Variants in DST observed in about 807,000 individuals in gnomAD.
The protein encoded by DST is bullous pemphigoid antigen.
A neutral mutation model predicts 875.2 loss-of-function variants in DST; 253 were observed. That is an observed-to-expected ratio of 0.29 (90% CI 0.26 to 0.32). DST has a LOEUF of 0.32. DST is among the 10% of genes least tolerant of loss of function. The pLI is 1.00. For synonymous variants in DST, 3,124 were observed against 3,197.1 expected (o/e 0.98, Z 0.77); for missense variants, 8,287 against 9,111.6 (o/e 0.91, Z 3.68).
chr6:56,682,858 G>A (rs139831572), intron 9 of DST, among the ~76,000 whole-genome samples: 12 of 152,146 alleles, frequency 7.9e-5, no homozygotes, highest in Non-Finnish European at 1.6e-4. Flanking sequence ...ATAAATATGA[G>A]AGACCAAGCA....
chr6:56,935,178 C>A (rs1812380217), intron 2 of DST, among the ~76,000 whole-genome samples: 1 of 152,090 alleles, frequency 6.6e-6, no homozygotes, highest in African/African-American at 2.4e-5. Context: ...CAAAATTTCC[C>A]AATTTTATCT....
intron 49 of DST, among the ~76,000 whole-genome samples, chr6:56,588,203 A>G (rs749300346): frequency 2.0e-4 from 30 of 152,230 alleles, no homozygotes; most frequent in Non-Finnish European, 4.1e-4. Flanking sequence ...GCTATAGTCT[A>G]AAAGGTCCAA....
rs780722886 is a variant in DST at position 56,557,456 on chromosome 6, A to T, written c.14503T>A (p.Ser4835Thr). The change falls in exon 59 of 104, where the codon TCC (serine) becomes ACC (threonine). Residue 4835 changes from serine (S) to threonine (T), a missense_variant. Transcript: ENST00000680361. The part of the protein sequence containing the change: ...IDRQQKLEES[S>T]NNLTQFQTVE... The stretch of plus-strand genomic sequence containing the variant: ...GTCTGGAACTGGGTTAGATTATTGG[A>T]GGATTCTTCCAGTTTTTGTTGTCTA... 1 of 1,613,678 alleles carries T rather than the reference A, an allele frequency of 6.2e-7. No individual in the cohort carries two copies. Among genetic ancestry groups the T allele is most frequent in the East Asian group, 2.2e-5 (1 of 44,862 alleles).
chr6:56,494,963 T>G (rs1234280227), intron 82 of DST, among the ~76,000 whole-genome samples: 1 of 151,980 alleles, frequency 6.6e-6, no homozygotes, highest in Non-Finnish European at 1.5e-5. Flanking sequence ...TTTATACGTT[T>G]TAAAACTTGC....
At chr6:56,668,855 T>C (rs1344216265) in intron 10 of DST, among the ~76,000 whole-genome samples, 1 of 151,134 alleles carries the variant, frequency 6.6e-6, no homozygotes, top group South Asian at 2.1e-4. Flanking sequence ...TTTTAGACAT[T>C]GAAATTTCCA....
chr6:56,791,619 C>G (rs1003394480), intron 4 of DST, among the ~76,000 whole-genome samples: 5 of 151,834 alleles, frequency 3.3e-5, no homozygotes, highest in African/African-American at 9.7e-5. Flanking sequence ...GATCCCGTCT[C>G]TACAAATAAT....
At chr6:56,566,472 C>A (rs1389929084) in intron 55 of DST, among the ~76,000 whole-genome samples, 1 of 152,186 alleles carries the variant, frequency 6.6e-6, no homozygotes, top group Non-Finnish European at 1.5e-5. Flanking sequence ...ACCCCTTGTG[C>A]TTCCGAGGTG....
At chr6:56,752,321 C>CA (rs1348019777) in intron 4 of DST, among the ~76,000 whole-genome samples, 1 of 145,636 alleles carries the variant, frequency 6.9e-6, no homozygotes, top group Non-Finnish European at 1.5e-5. Flanking sequence ...TGATTTTATG[C>CA]TTTTTTTTTT....
At chr6:56,870,958 T>C (rs1380139101) in intron 3 of DST, among the ~76,000 whole-genome samples, 1 of 151,994 alleles carries the variant, frequency 6.6e-6, no homozygotes, top group Non-Finnish European at 1.5e-5. Flanking sequence ...AATGAAAATA[T>C]AATAATATAA....
chr6:56,631,332 A>T lies in DST; in HGVS notation c.4021T>A (p.Cys1341Ser). Residue 1341 changes from cysteine (C) to serine (S), a missense_variant, in exon 30 of 104, where the codon TGT (cysteine) becomes AGT (serine). By Grantham distance (112) the Cys-to-Ser change is moderately radical. Coordinates refer to ENST00000680361, the MANE Select transcript of DST (RefSeq NM_001374736.1). ...KDDLGTITNK[C>S]EEFFSQAAAS... ...GCTGCTTGACTGAAAAACTCCTCAC[A>T]CTTATTTGTGATTGTTCCCAAATCA... 6.2e-7 allele frequency: 1 copy of T among 1,613,872 alleles called. No individual in the cohort carries two copies. The highest frequency in any genetic ancestry group is 8.5e-7 in the Non-Finnish European group (1 of 1,179,934).
At chr6:56,538,159 A>T (rs1173223160) in intron 61 of DST, among the ~76,000 whole-genome samples, 2 of 151,308 alleles carry the variant, frequency 1.3e-5, no homozygotes, top group Non-Finnish European at 2.9e-5. Context: ...ATTAAAAGAA[A>T]ATTTTTTTTT....
intron 62 of DST, among the ~76,000 whole-genome samples, chr6:56,535,517 T>C (rs2096978961): frequency 6.6e-6 from 1 of 152,232 alleles, no homozygotes; most frequent in African/African-American, 2.4e-5. Context: ...ACAGTCAACA[T>C]AGAGCACTCA....
rs745441869 is a variant in DST at position 56,851,632 on chromosome 6, T to G, written c.418-28A>C. Reference sequence around the variant, plus strand: ...ACAGAGAATGACACAGAAAAAGCATTAACAGCAAAATACTCACATATGCTC... The same window carrying G: ...ACAGAGAATGACACAGAAAAAGCATGAACAGCAAAATACTCACATATGCTC... On this transcript the variant is annotated intron_variant, in intron 3 of 103. Transcript: ENST00000680361. 9 of 1,607,044 alleles carry G rather than the reference T, an allele frequency of 5.6e-6. No individual in the cohort carries two copies. The South Asian group carries it at 8.9e-5, about 16-fold the overall frequency.
chr6:56,595,780 C>CA (rs2098366620), intron 47 of DST, among the ~76,000 whole-genome samples: 1 of 142,794 alleles, frequency 7.0e-6, no homozygotes, highest in African/African-American at 3.1e-5. Context: ...TCATATGCTA[C>CA]CCCCACCCCA....
intron 36 of DST, among the ~76,000 whole-genome samples, chr6:56,622,469 G>A (rs1194186951): frequency 1.3e-5 from 2 of 150,284 alleles, no homozygotes; most frequent in East Asian, 2.0e-4. Context: ...CCAGCTACTC[G>A]GAAGGCTGAG....
At chr6:56,862,318 T>C (rs1771641020) in intron 3 of DST, among the ~76,000 whole-genome samples, 1 of 152,152 alleles carries the variant, frequency 6.6e-6, no homozygotes, top group South Asian at 2.1e-4. Context: ...ATGTATTTCC[T>C]TTCTTGCTTG....
intron 52 of DST, 124 bp from the exon 53 acceptor site, chr6:56,572,390 C>T: frequency 3.4e-6 from 2 of 582,614 alleles, no homozygotes; most frequent in Non-Finnish European, 5.5e-6. Context: ...ATGAGTCTGC[C>T]TATGGCCAGT....
At chr6:56,502,493 C>A (rs1256892198) in intron 78 of DST, among the ~76,000 whole-genome samples, 1 of 152,046 alleles carries the variant, frequency 6.6e-6, no homozygotes, top group African/African-American at 2.4e-5. Flanking sequence ...TTAATGTAAG[C>A]TAAAGACATA....
intron 2 of DST, among the ~76,000 whole-genome samples, chr6:56,922,595 G>GTT (rs34252412): frequency 2.5e-4 from 38 of 151,526 alleles, no homozygotes; most frequent in Admixed American, 6.6e-4. Flanking sequence ...TAAACCCTCT[G>GTT]TTTTTTTTGC....
Sources: gnomAD v4.1 joint callset for allele counts (sites outside exome capture counted in the v4.1 genomes callset) on GRCh38, gnomAD v4.1.1 for gene constraint, MANE v1.5 for transcripts, NCBI Gene and HGNC (gene_info 2026-07-23, HGNC 2026-07-21) for gene names.